The following MARK2 variants were observed in gnomAD, a reference collection of about 807,000 sequenced individuals.
MARK2 encodes the protein microtubule affinity regulating kinase 2, also known as serine/threonine-protein kinase MARK2.
In MARK2, 16 loss-of-function variants were observed where a neutral mutation model predicts 89.8. That is an observed-to-expected ratio of 0.18 (90% CI 0.12 to 0.27). The LOEUF (loss-of-function observed/expected upper bound fraction) is 0.27. MARK2 is among the 10% of genes least tolerant of loss of function. The probability of loss-of-function intolerance (pLI) is 1.00; values close to 1 mark genes in which losing one functional copy is unlikely to be tolerated. For synonymous variants in MARK2, 382 were observed against 399.5 expected (o/e 0.96, Z 0.52); for missense variants, 621 against 1,049.9 (o/e 0.59, Z 5.65).
intron 1 of MARK2, among the ~76,000 whole-genome samples, chr11:63,883,438 T>G (rs1186893240): frequency 1.3e-5 from 2 of 152,166 alleles, no homozygotes; most frequent in African/African-American, 4.8e-5. Flanking sequence ...TTTCTAGGTA[T>G]TGTAGCTCTT....
At chr11:63,899,020 C>A (rs375636855) in intron 6 of MARK2, 32 bp from the exon 7 acceptor site, 2 of 1,548,440 alleles carry the variant, frequency 1.3e-6, no homozygotes, top group Non-Finnish European at 1.8e-6. Context: ...CCCTCAGGCA[C>A]CCCTGGGTTA....
intron 1 of MARK2, among the ~76,000 whole-genome samples, chr11:63,874,989 C>T (rs1802636087): frequency 6.6e-6 from 1 of 152,080 alleles, no homozygotes. Context: ...CTCACTCTGT[C>T]GCCCAGGCTG....
intron 7 of MARK2, among the ~76,000 whole-genome samples, chr11:63,899,460 G>A (rs1339251391): frequency 6.6e-6 from 1 of 152,120 alleles, no homozygotes; most frequent in Non-Finnish European, 1.5e-5. Context: ...CCAGGGAAGA[G>A]TGCTGAAAGT....
chr11:63,895,146 T>C lies in MARK2; in HGVS notation c.55-13T>C. 6.2e-7 allele frequency: 1 copy of C among 1,608,732 alleles called. No homozygotes were observed. Among genetic ancestry groups the C allele is most frequent in the Non-Finnish European group, 8.5e-7 (1 of 1,176,544 alleles). ...GTGTGGCATGTAATGGTATCTCTGTTTCCACCCCGCAGCCCACCTTGGGAC... is the reference window on the plus strand; with the variant it reads ...GTGTGGCATGTAATGGTATCTCTGTCTCCACCCCGCAGCCCACCTTGGGAC... On this transcript the variant is annotated splice_polypyrimidine_tract_variant and intron_variant, in intron 1 of 18. Transcript: ENST00000402010.
At chr11:63,856,337 T>TA (rs773401360) in intron 1 of MARK2, among the ~76,000 whole-genome samples, 30 of 55,116 alleles carry the variant, frequency 5.4e-4, no homozygotes, top group Middle Eastern at 0.021. Context: ...TTTTTTTTTT[T>TA]AAATATATGG....
At chr11:63,881,553 G>A (rs1939091743) in intron 1 of MARK2, among the ~76,000 whole-genome samples, 2 of 152,290 alleles carry the variant, frequency 1.3e-5, no homozygotes, top group Non-Finnish European at 2.9e-5. Flanking sequence ...GGTCAGCTAG[G>A]TGTGGGCACT....
intron 1 of MARK2, among the ~76,000 whole-genome samples, chr11:63,884,825 G>A (rs959693912): frequency 3.3e-5 from 5 of 152,212 alleles, no homozygotes; most frequent in African/African-American, 1.2e-4. Context: ...TAGTTGCTCA[G>A]AATCAAAGGA....
At chr11:63,892,945 G>A (rs1255987771) in intron 1 of MARK2, among the ~76,000 whole-genome samples, 2 of 106,676 alleles carry the variant, frequency 1.9e-5, no homozygotes, top group East Asian at 2.7e-4. Flanking sequence ...TTTCACTCTT[G>A]TTGCCCAGGC....
At chr11:63,861,871 A>C (rs576600635) in intron 1 of MARK2, among the ~76,000 whole-genome samples, 11 of 148,026 alleles carry the variant, frequency 7.4e-5, no homozygotes, top group African/African-American at 2.7e-4. Context: ...CCTCCCAAGT[A>C]GCTGGGATTA....
At chr11:63,885,832 T>C (rs1939362557) in intron 1 of MARK2, among the ~76,000 whole-genome samples, 1 of 142,404 alleles carries the variant, frequency 7.0e-6, no homozygotes, top group South Asian at 2.4e-4. Flanking sequence ...AGACTCCATC[T>C]CAAAAAAAAA....
rs1447149350 is a variant in MARK2, at chr11:63,909,148, C to T, written c.2278C>T (p.Leu760Phe). ...MEVCKLPRLS[L>F]NGVRFKRISG... ...GGTGTGCAAACTGCCGCGGCTCTCT[C>T]TCAACGGGGTTCGATTTAAGCGGAT... Residue 760 changes from leucine (L) to phenylalanine (F), a missense_variant, in exon 19 of 19, where the codon CTC becomes TTC. Transcript: ENST00000402010. 2 of 1,613,834 alleles carry T rather than the reference C, an allele frequency of 1.2e-6. No individual in the cohort carries two copies. Among genetic ancestry groups the T allele is most frequent in the Non-Finnish European group, 1.7e-6 (2 of 1,179,868 alleles).
intron 17 of MARK2, among the ~76,000 whole-genome samples, chr11:63,907,163 TG>T (rs1262118272): frequency 6.6e-6 from 1 of 152,194 alleles, no homozygotes; most frequent in African/African-American, 2.4e-5. Flanking sequence ...GCATTGGGAC[TG>T]GGATGCCTGG....
At chr11:63,848,649 C>T (rs2016402204) in intron 1 of MARK2, among the ~76,000 whole-genome samples, 1 of 151,406 alleles carries the variant, frequency 6.6e-6, no homozygotes. Context: ...CTCCCGGGTT[C>T]ACACCATTCT....
chr11:63,900,783 A>G lies in MARK2; in HGVS notation c.892A>G (p.Ile298Val). The change falls in exon 10 of 19, where the codon ATC becomes GTC. Residue 298 changes from isoleucine (I) to valine (V), a missense_variant. Transcript: ENST00000402010. This position sits in a 1 kb window ranked among gnomAD's most constrained non-coding sequence, Gnocchi z 4.7. ...TTTCCTTCTCTGTGCTCCCCAGCAA[A>G]TCATGAAAGATCGATGGATGAATGT... Reference protein sequence around the residue: ...NPSKRGTLEQIMKDRWMNVGH... With the variant: ...NPSKRGTLEQVMKDRWMNVGH... 3 of 1,614,116 alleles carry G rather than the reference A, an allele frequency of 1.9e-6. No individual in the cohort carries two copies. Among genetic ancestry groups the G allele is most frequent in the South Asian group, 1.1e-5 (1 of 91,074 alleles).
At chr11:63,851,446 C>A (rs1359492138) in intron 1 of MARK2, among the ~76,000 whole-genome samples, 1 of 152,130 alleles carries the variant, frequency 6.6e-6, no homozygotes, top group Non-Finnish European at 1.5e-5. Flanking sequence ...AATAACTCAT[C>A]AGGGGCTATT....
At chr11:63,879,210 G>A (rs1337071190) in intron 1 of MARK2, among the ~76,000 whole-genome samples, 3 of 152,124 alleles carry the variant, frequency 2.0e-5, no homozygotes, top group African/African-American at 4.8e-5. Context: ...TGGAGGCTGA[G>A]GCAGGAGAAT....
intron 1 of MARK2, chr11:63,890,176 A>C: frequency 8.3e-7 from 1 of 1,205,240 alleles, no homozygotes; most frequent in Non-Finnish European, 1.1e-6. Flanking sequence ...TCTGTTGGAG[A>C]CTCTCTCCTC....
chr11:63,852,496 A>G (rs572559244), intron 1 of MARK2, among the ~76,000 whole-genome samples: 2 of 152,136 alleles, frequency 1.3e-5, no homozygotes, highest in African/African-American at 4.8e-5. Flanking sequence ...AAATAGAAAA[A>G]AATTTATATT....
chr11:63,907,254 C>T (rs1941415257), intron 17 of MARK2, among the ~76,000 whole-genome samples: 1 of 152,098 alleles, frequency 6.6e-6, no homozygotes, highest in African/African-American at 2.4e-5. Context: ...CTCCTCCCAC[C>T]CAGCTGTTGA....
Sources: gnomAD v4.1 joint callset for allele counts (sites outside exome capture counted in the v4.1 genomes callset) on GRCh38, gnomAD v4.1.1 for gene constraint, Gnocchi (gnomAD v3.1) non-coding constraint, MANE v1.5 for transcripts, NCBI Gene and HGNC (gene_info 2026-07-23, HGNC 2026-07-21) for gene names.